The following SPEN variants were observed in gnomAD, a reference collection of about 807,000 sequenced individuals.
The protein encoded by SPEN is msx2-interacting protein.
SPEN carries 18 observed loss-of-function variants against 269.9 expected under a neutral mutation model. The observed-to-expected ratio is 0.07, with a 90% CI of 0.05 to 0.10. The LOEUF (loss-of-function observed/expected upper bound fraction) is 0.10. Among genes scored for constraint, SPEN ranks in the 10% least tolerant of loss-of-function variants. The pLI is 1.00. For synonymous variants in SPEN, 1,726 were observed against 1,765.7 expected (o/e 0.98, Z 0.56); for missense variants, 3,822 against 4,631.2 (o/e 0.83, Z 5.07).
Position 15,929,921 on chromosome 1 carries a change from G to C in SPEN, c.3681G>C (p.Lys1227Asn), listed in dbSNP as rs1234631776. The C allele has an allele frequency of 5.6e-6, 9 of 1,614,158 alleles. No homozygotes were observed. Among genetic ancestry groups the C allele is most frequent in the Non-Finnish European group, 5.9e-6 (7 of 1,180,034 alleles). ...DVTDDSPPSK[K>N]KRMDHVDFDI... ...CTGATGACTCTCCTCCTAGCAAAAA[G>C]AAAAGGATGGATCATGTCGATTTTG... is the stretch of plus-strand genomic sequence containing the variant. The change falls in exon 11 of 15, where the codon AAG (lysine) becomes AAC (asparagine). Residue 1227 changes from lysine to asparagine, a missense_variant. Transcript: ENST00000375759. The surrounding 1 kb of genome is among the most constrained non-coding windows in gnomAD (Gnocchi z 5.8).
At chr1:15,895,237 T>A (rs1469649055) in intron 3 of SPEN, among the ~76,000 whole-genome samples, 2 of 152,166 alleles carry the variant, frequency 1.3e-5, no homozygotes, top group Admixed American at 6.5e-5. Flanking sequence ...TTTAACCATT[T>A]TTAAGTGTAT....
chr1:15,914,643 C>A (rs1029648779), intron 5 of SPEN, among the ~76,000 whole-genome samples: 1 of 151,910 alleles, frequency 6.6e-6, no homozygotes, highest in African/African-American at 2.4e-5. Context: ...CCCAACATGG[C>A]GAAACCCCGT....
intron 11 of SPEN, 31 bp downstream of exon 11, chr1:15,936,297 G>A: frequency 6.6e-7 from 1 of 1,512,924 alleles, no homozygotes. Context: ...CCCACTGTCT[G>A]TTGGGCATGT....
chr1:15,916,263 G>A lies in SPEN; in HGVS notation c.1379G>A (p.Arg460His), dbSNP rs1366443836. Reference protein sequence around the residue: ...TYHDLRNIFQRFGEIVDIDIK... With the variant: ...TYHDLRNIFQHFGEIVDIDIK... The stretch of plus-strand genomic sequence containing the variant: ...CATGACCTTCGCAACATCTTCCAGC[G>A]CTTTGGAGAAATTGTGGTATGTTGC... The change falls in exon 6 of 15, where the codon CGC (arginine) becomes CAC (histidine). Residue 460 changes from arginine (R) to histidine (H), a missense_variant. By Grantham distance (29) the Arg-to-His change is conservative. This residue lies in a region of SPEN where 230 missense variants were observed against 426.1 expected (regional missense o/e 0.54). Coordinates refer to ENST00000375759, the MANE Select transcript of SPEN (RefSeq NM_015001.3). The A allele has an allele frequency of 1.9e-6, 3 of 1,610,470 alleles. No individual in the cohort carries two copies. Among genetic ancestry groups the A allele is most frequent in the Middle Eastern group, 1.7e-4 (1 of 6,040 alleles).
In SPEN at chr1:15,939,245, T is replaced by C; in HGVS notation, c.10864-51T>C. The C allele has an allele frequency of 2.7e-6, 4 of 1,498,834 alleles. No homozygotes were observed. The highest frequency in any genetic ancestry group is 1.4e-5 in the African/African-American group (1 of 70,846). The allele number at this position is 1,498,834 out of a possible 1,614,324, so 92.8% of individuals were successfully genotyped here. ...TCAGGGCTCCCCAATGGAAGTGGAG[T>C]TGTGGGGGTGAAGACAGACGGTCCC... On this transcript the variant is annotated intron_variant, in intron 14 of 14. Coordinates refer to ENST00000375759, the MANE Select transcript of SPEN (RefSeq NM_015001.3). This position sits in a 1 kb window ranked among gnomAD's most constrained non-coding sequence, Gnocchi z 4.1.
At position 15,935,972 on chromosome 1, in the gene SPEN, C is replaced by T. The variant is rs1160886166; in HGVS notation, c.9732C>T (p.Thr3244=). ...AKTPDAKAAP[T]PTPAPVPVPV... Reference sequence around the variant, plus strand: ...CACCAGATGCCAAAGCTGCCCCCACCCCCACCCCTGCCCCCGTCCCTGTCC... The same window carrying T: ...CACCAGATGCCAAAGCTGCCCCCACTCCCACCCCTGCCCCCGTCCCTGTCC... The change falls in exon 11 of 15, where the codon ACC becomes ACT. Residue 3244 remains threonine, a synonymous_variant. Coordinates refer to ENST00000375759, the MANE Select transcript of SPEN (RefSeq NM_015001.3). This position sits in a 1 kb window ranked among gnomAD's most constrained non-coding sequence, Gnocchi z 7.7. 1 of 1,550,972 alleles carries T rather than the reference C, an allele frequency of 6.4e-7. No individual in the cohort carries two copies.
intron 6 of SPEN, 62 bp downstream of exon 6, chr1:15,916,341 C>G (rs1172454207): frequency 6.7e-7 from 1 of 1,497,982 alleles, no homozygotes; most frequent in Non-Finnish European, 9.0e-7. Context: ...AAGCATAGTA[C>G]AGATTATATT....
rs1188054350 is a variant in SPEN, at chr1:15,931,424, G to A, written c.5184G>A (p.Pro1728=). The A allele has an allele frequency of 6.2e-6, 10 of 1,613,992 alleles. No individual in the cohort carries two copies. In the East Asian group the frequency reaches 6.7e-5, roughly 11 times the overall value. The part of the protein sequence containing the change: ...GVEEGSSGDQ[P]PYLDAKPPTP... The stretch of plus-strand genomic sequence containing the variant: ...AGGAAGGTTCATCAGGTGACCAGCC[G>A]CCTTATCTGGATGCCAAGCCTCCAA... Residue 1728 remains proline, a synonymous_variant, in exon 11 of 15, where the codon CCG becomes CCA. Coordinates refer to ENST00000375759, the MANE Select transcript of SPEN (RefSeq NM_015001.3). This position sits in a 1 kb window ranked among gnomAD's most constrained non-coding sequence, Gnocchi z 4.8.
chr1:15,937,388 C>G lies in SPEN; in HGVS notation c.10252C>G (p.Gln3418Glu). The G allele has an allele frequency of 6.2e-7, 1 of 1,613,944 alleles. No individual in the cohort carries two copies. Among genetic ancestry groups the G allele is most frequent in the Non-Finnish European group, 8.5e-7 (1 of 1,180,026 alleles). ...AAACAGGCCACCTGAGCCTCACACC[C>G]AGGTTCAGAGGGCACAAGCAGAAAC... ...PANRPPEPHTQVQRAQAETGP... is the reference protein window; with the variant it reads ...PANRPPEPHTEVQRAQAETGP... Residue 3418 changes from glutamine (Q) to glutamate (E), a missense_variant, in exon 12 of 15, where the codon CAG becomes GAG. By Grantham distance (29) the Gln-to-Glu change is conservative (BLOSUM62 2). Coordinates refer to ENST00000375759, the MANE Select transcript of SPEN (RefSeq NM_015001.3). The surrounding 1 kb of genome is among the most constrained non-coding windows in gnomAD (Gnocchi z 5.7).
intron 5 of SPEN, 35 bp from the exon 6 acceptor site, chr1:15,916,093 C>T (rs1355136115): frequency 6.3e-7 from 1 of 1,580,996 alleles, no homozygotes; most frequent in East Asian, 2.2e-5. Flanking sequence ...AAAATACTGT[C>T]TTCTCTTTTT....
chr1:15,878,772 G>A (rs2070657097), intron 3 of SPEN, among the ~76,000 whole-genome samples: 1 of 152,272 alleles, frequency 6.6e-6, no homozygotes, highest in Admixed American at 6.5e-5. Context: ...CACTTTGGGA[G>A]GCTGAGGCAG....
intron 3 of SPEN, among the ~76,000 whole-genome samples, chr1:15,907,622 G>A (rs1351644602): frequency 6.6e-6 from 1 of 152,172 alleles, no homozygotes; most frequent in Non-Finnish European, 1.5e-5. Flanking sequence ...TGTAGCTAGT[G>A]TGCTTAAGAT....
intron 3 of SPEN, among the ~76,000 whole-genome samples, chr1:15,891,480 T>A (rs1035296324): frequency 3.3e-5 from 5 of 151,132 alleles, no homozygotes; most frequent in African/African-American, 1.2e-4. Context: ...GCCTCCCGAG[T>A]AGCTGGGACT....
chr1:15,937,490 G>A lies in SPEN; in HGVS notation c.10354G>A (p.Ala3452Thr), dbSNP rs2071288197. 4 of 1,613,860 alleles carry A rather than the reference G, an allele frequency of 2.5e-6. No individual in the cohort carries two copies. Among genetic ancestry groups the A allele is most frequent in the East Asian group, 2.2e-5 (1 of 44,858 alleles). ...TCCAGTCTCTCTTCCCACTCAGACT[G>A]CCCCAAAACAGCCGTTGTTTGTCCC... is the stretch of plus-strand genomic sequence containing the variant. ...DLPVSLPTQT[A>T]PKQPLFVPTT... Residue 3452 changes from alanine to threonine, a missense_variant, in exon 12 of 15, where the codon GCC (alanine) becomes ACC (threonine). Physicochemically the swap from Ala to Thr is moderately conservative, Grantham distance 58. This residue lies in a region of SPEN where 359 missense variants were observed against 377.3 expected (regional missense o/e 0.95). Transcript: ENST00000375759. The surrounding 1 kb of genome is among the most constrained non-coding windows in gnomAD (Gnocchi z 5.7).
At chr1:15,891,190 T>A (rs932017351) in intron 3 of SPEN, among the ~76,000 whole-genome samples, 1 of 152,112 alleles carries the variant, frequency 6.6e-6, no homozygotes, top group African/African-American at 2.4e-5. Context: ...ATAATTGCTA[T>A]GAAAAAAATT....
At chr1:15,853,763 G>A (rs556348280) in intron 1 of SPEN, among the ~76,000 whole-genome samples, 6 of 151,930 alleles carry the variant, frequency 3.9e-5, no homozygotes, top group African/African-American at 9.7e-5. Flanking sequence ...CTGCCTTCCC[G>A]GTTCAAGTGA....
Position 15,928,471 on chromosome 1 carries a change from C to G in SPEN, c.2231C>G (p.Ala744Gly). The change falls in exon 11 of 15, where the codon GCA becomes GGA. Residue 744 changes from alanine (A) to glycine (G), a missense_variant. By Grantham distance (60) the Ala-to-Gly change is moderately conservative (BLOSUM62 0). Around this residue, in one of 16 missense-constraint regions of SPEN, gnomAD observed 572 missense variants for 582.6 expected, o/e 0.98. Coordinates refer to ENST00000375759, the MANE Select transcript of SPEN (RefSeq NM_015001.3). The surrounding 1 kb of genome is among the most constrained non-coding windows in gnomAD (Gnocchi z 5.7). ...AGTCCTGGAGCGTCTCCCTCTCAGGCAGAGAGGTTGCCGAGTGATTCTGAG... is the reference window on the plus strand; with the variant it reads ...AGTCCTGGAGCGTCTCCCTCTCAGGGAGAGAGGTTGCCGAGTGATTCTGAG... ...PQSPGASPSQ[A>G]ERLPSDSERR... 6.2e-7 allele frequency: 1 copy of G among 1,614,050 alleles called. No homozygotes were observed. Among genetic ancestry groups the G allele is most frequent in the South Asian group, 1.1e-5 (1 of 91,068 alleles).
chr1:15,878,597 G>A (rs949855423), intron 3 of SPEN, among the ~76,000 whole-genome samples: 1 of 152,150 alleles, frequency 6.6e-6, no homozygotes, highest in Non-Finnish European at 1.5e-5. Flanking sequence ...ATAAAATCTT[G>A]TTCCACTTTT....
In SPEN at chr1:15,935,024, A is replaced by G. The variant is rs1198123772; in HGVS notation, c.8784A>G (p.Thr2928=). The change falls in exon 11 of 15, where the codon ACA becomes ACG. Residue 2928 remains threonine (T), a synonymous_variant. Transcript: ENST00000375759. The surrounding 1 kb of genome is among the most constrained non-coding windows in gnomAD (Gnocchi z 7.7). ...CCACGCCTGTCACCCAGGGAGGCAC[A>G]GTGAAGGTTCTCACCCAGGGGATCA... ...SVSTPVTQGG[T]VKVLTQGINT... is the part of the protein sequence containing the mutation. 6.2e-7 allele frequency: 1 copy of G among 1,613,958 alleles called. No individual in the cohort carries two copies. The highest frequency in any genetic ancestry group is 8.5e-7 in the Non-Finnish European group (1 of 1,179,940).
Sources: allele counts gnomAD v4.1 joint callset (sites outside exome capture counted in the v4.1 genomes callset), GRCh38; gene constraint gnomAD v4.1.1; regional missense constraint gnomAD v4.1.1; non-coding constraint Gnocchi (gnomAD v3.1); transcripts MANE v1.5; gene names NCBI Gene and HGNC (gene_info 2026-07-23, HGNC 2026-07-21).